The following SNX32 variants were observed in gnomAD, a reference collection of about 807,000 sequenced individuals.
The protein encoded by SNX32 is sorting nexin-32.
A neutral mutation model predicts 57.0 loss-of-function variants in SNX32; 58 were observed. That is an observed-to-expected ratio of 1.02 (90% CI 0.82 to 1.27). The LOEUF (loss-of-function observed/expected upper bound fraction) is 1.27. Among genes scored for constraint, SNX32 ranks in the 50% most tolerant of loss-of-function variants. The pLI is 0.00. For missense variants in SNX32, 589 were observed against 541.2 expected, an observed-to-expected ratio of 1.09 and a Z score of -0.88; for synonymous variants, 262 against 220.4, an observed-to-expected ratio of 1.19 and a Z score of -1.67.
chr11:65,845,116 C>T (rs1367965053), intron 1 of SNX32, among the ~76,000 whole-genome samples: 3 of 130,722 alleles, frequency 2.3e-5, no homozygotes, highest in African/African-American at 6.0e-5. Flanking sequence ...GGCAGCATAG[C>T]GAGAACACCC....
intron 1 of SNX32, among the ~76,000 whole-genome samples, chr11:65,841,090 G>A (rs1364343362): frequency 2.6e-5 from 4 of 151,710 alleles, no homozygotes; most frequent in Non-Finnish European, 5.9e-5. Flanking sequence ...GATTACAAGC[G>A]CCCCCCACCA....
intron 1 of SNX32, among the ~76,000 whole-genome samples, chr11:65,839,234 T>TTTTTTTTGTTTTTTTTTG (rs1555032663): frequency 4.7e-5 from 1 of 21,462 alleles, no homozygotes; most frequent in African/African-American, 1.1e-4. Context: ...TATTTTTTTT[T>TTTTTTTTGTTTTTTTTTG]TTTTTTTTTT....
intron 1 of SNX32, among the ~76,000 whole-genome samples, chr11:65,839,215 ATTTTTTTGTATTTT>A (rs1378566222): frequency 3.1e-4 from 6 of 19,514 alleles, no homozygotes; most frequent in Non-Finnish European, 4.8e-4. Context: ...CGCCCAGCTA[ATTTTTTTGTATTTT>A]TTTTTTTTTT....
intron 1 of SNX32, among the ~76,000 whole-genome samples, chr11:65,835,968 A>G (rs2134686574): frequency 6.6e-6 from 1 of 152,342 alleles, no homozygotes; most frequent in South Asian, 2.1e-4. Flanking sequence ...CATATACATG[A>G]AATGGTTAGA....
At chr11:65,845,154 AAAAGG>A (rs1858955649) in intron 1 of SNX32, among the ~76,000 whole-genome samples, 1 of 150,380 alleles carries the variant, frequency 6.6e-6, no homozygotes, top group Admixed American at 6.6e-5. Flanking sequence ...AAAAAAAAAA[AAAAGG>A]CTGGGTGTGG....
chr11:65,845,230 G>C (rs1178558311), intron 1 of SNX32, among the ~76,000 whole-genome samples: 1 of 151,480 alleles, frequency 6.6e-6, no homozygotes, highest in Non-Finnish European at 1.5e-5. Flanking sequence ...ATGAGGTCTG[G>C]AGATCGAGAC....
chr11:65,846,586 AC>A (rs1401616442), intron 1 of SNX32, among the ~76,000 whole-genome samples: 2 of 150,270 alleles, frequency 1.3e-5, no homozygotes, highest in African/African-American at 2.5e-5. Context: ...AAAAAAGAAT[AC>A]GCCAGAATAA....
chr11:65,847,268 C>T (rs2134696173), intron 1 of SNX32, among the ~76,000 whole-genome samples: 1 of 152,136 alleles, frequency 6.6e-6, no homozygotes, highest in Non-Finnish European at 1.5e-5. Flanking sequence ...ATTCTCCTGC[C>T]TCAGCCTCTC....
At position 65,836,182 on chromosome 11, in the gene SNX32, T is replaced by C. The variant is rs145060534; in HGVS notation, c.36+2081T>C. On this transcript the variant is annotated intron_variant, in intron 1 of 12. Transcript: ENST00000308342. ...GTTAGGTGTTGCCTTCTCTAAGATC[T>C]TCCTTTAAATATAGAGACATTAAAA... Among the ~76,000 whole-genome samples the C allele has an allele frequency of 8.7e-4, 133 of 152,254 alleles. 1 individual carries two copies. In the East Asian group the frequency reaches 0.022, roughly 25 times the overall value.
intron 1 of SNX32, among the ~76,000 whole-genome samples, chr11:65,843,220 C>CAAAAA (rs11307931): frequency 9.2e-6 from 1 of 108,936 alleles, no homozygotes; most frequent in Non-Finnish European, 1.8e-5. Context: ...GACTCCGTCT[C>CAAAAA]AAAAAAAAAA....
Position 65,853,659 on chromosome 11 carries a change from G to A in SNX32, c.*324G>A, listed in dbSNP as rs554637727. 15 of 406,282 alleles carry A rather than the reference G, an allele frequency of 3.7e-5. No individual in the cohort carries two copies. The highest frequency in any genetic ancestry group is 1.8e-4 in the East Asian group (4 of 22,586). 25.2% of individuals were successfully genotyped at this position (406,282 alleles called of 1,614,324 possible). A position where few individuals can be genotyped will look rare whatever the true frequency, so the allele number is the denominator to read the frequency against. On this transcript the variant is annotated 3_prime_UTR_variant, in exon 13 of 13. Transcript: ENST00000308342. ...AAGGAATCATAGCTCACTTGATCCC[G>A]GCCTGTTCTCCTTCGCAAATAAAAA...
At position 65,851,341 on chromosome 11, in the gene SNX32, T is replaced by C. The variant is rs142127230; in HGVS notation, c.723T>C (p.Asp241=). 3.1e-6 allele frequency: 5 copies of C among 1,614,064 alleles called. No homozygotes were observed. The African/African-American group carries it at 4.0e-5, about 13-fold the overall frequency. Residue 241 remains aspartate (D), a synonymous_variant, in exon 8 of 13, where the codon GAT becomes GAC. Coordinates refer to ENST00000308342, the MANE Select transcript of SNX32 (RefSeq NM_152760.3). ...VMRAHKCLAD[D]YIPISAALSS... is the part of the protein sequence containing the mutation. The stretch of plus-strand genomic sequence containing the variant: ...GTTCCCCAACAGGCCTGGCAGACGA[T>C]TATATCCCTATCTCAGCTGCGCTGA...
In SNX32 at chr11:65,850,421, A is replaced by G; in HGVS notation, c.375-10A>G. On this transcript the variant is annotated splice_polypyrimidine_tract_variant and intron_variant, in intron 4 of 12. Coordinates refer to ENST00000308342, the MANE Select transcript of SNX32 (RefSeq NM_152760.3). Reference sequence around the variant, plus strand: ...TGAGGAGGGCCGGTGAGCTGCTGCCACTCTCGCAGGGAGTACCTGGCCATC... The same window carrying G: ...TGAGGAGGGCCGGTGAGCTGCTGCCGCTCTCGCAGGGAGTACCTGGCCATC... 6.2e-7 allele frequency: 1 copy of G among 1,613,700 alleles called. No individual in the cohort carries two copies. The highest frequency in any genetic ancestry group is 8.5e-7 in the Non-Finnish European group (1 of 1,179,746).
Position 65,852,762 on chromosome 11 carries a change from G to C in SNX32, c.1045G>C (p.Glu349Gln), listed in dbSNP as rs781557193. Residue 349 changes from glutamate to glutamine, a missense_variant, in exon 11 of 13, where the codon GAG (glutamate) becomes CAG (glutamine). Glu to Gln is a conservative substitution (Grantham distance 29). Transcript: ENST00000308342. ...CCAGCAGCTGTGCTGCCAACGCTTCGAGCGCCTCTCCGACTCCGCCAAGCA... is the reference window on the plus strand; with the variant it reads ...CCAGCAGCTGTGCTGCCAACGCTTCCAGCGCCTCTCCGACTCCGCCAAGCA... Reference protein sequence around the residue: ...SHQQLCCQRFERLSDSAKQEL... With the variant: ...SHQQLCCQRFQRLSDSAKQEL... 1.2e-6 allele frequency: 2 copies of C among 1,609,000 alleles called. No individual in the cohort carries two copies. The highest frequency in any genetic ancestry group is 1.7e-6 in the Non-Finnish European group (2 of 1,178,598).
intron 1 of SNX32, among the ~76,000 whole-genome samples, chr11:65,834,982 G>A (rs1010225690): frequency 1.4e-5 from 2 of 145,440 alleles, no homozygotes; most frequent in Non-Finnish European, 3.0e-5. Context: ...TGTGTATGTC[G>A]TTGTGTGTGT....
intron 1 of SNX32, among the ~76,000 whole-genome samples, chr11:65,839,853 T>A (rs1591026040): frequency 6.6e-6 from 1 of 151,908 alleles, no homozygotes; most frequent in Non-Finnish European, 1.5e-5. Context: ...ATCAATGAAA[T>A]TCAGCATATA....
At chr11:65,839,215 A>ATTTTTT (rs1555032605) in intron 1 of SNX32, among the ~76,000 whole-genome samples, 80 of 19,520 alleles carry the variant, frequency 4.1e-3, no homozygotes, top group Non-Finnish European at 7.5e-3. Context: ...CGCCCAGCTA[A>ATTTTTT]TTTTTTTGTA....
rs753105465 is a variant in SNX32, at chr11:65,850,502, C to A, written c.446C>A (p.Pro149His). The A allele has an allele frequency of 5.6e-6, 9 of 1,613,890 alleles. No homozygotes were observed. Among genetic ancestry groups the A allele is most frequent in the African/African-American group, 1.3e-5 (1 of 74,928 alleles). ...EVFLQRLAAHPTLRRDHNFFV... is the reference protein window; with the variant it reads ...EVFLQRLAAHHTLRRDHNFFV... The stretch of plus-strand genomic sequence containing the variant: ...TTTCTGCAGCGCCTGGCGGCCCACC[C>A]CACCCTGCGTCGAGACCACAACTTC... The change falls in exon 5 of 13, where the codon CCC (proline) becomes CAC (histidine). Residue 149 changes from proline to histidine, a missense_variant. Physicochemically the swap from Pro to His is moderately conservative, Grantham distance 77. Transcript: ENST00000308342.
rs1213875091 is a variant in SNX32 at position 65,850,280 on chromosome 11, C to T, written c.374+9C>T. The T allele has an allele frequency of 6.2e-7, 1 of 1,614,144 alleles. No homozygotes were observed. The highest frequency in any genetic ancestry group is 8.5e-7 in the Non-Finnish European group (1 of 1,180,042). ...AAGCAGGAGCTGGAAGCGTGAGTGC[C>T]CCCTCCTTTCCCTGCCATCCCCAGA... On this transcript the variant is annotated intron_variant, in intron 4 of 12. Transcript: ENST00000308342.
Sources: gnomAD v4.1 joint callset for allele counts (sites outside exome capture counted in the v4.1 genomes callset) on GRCh38, gnomAD v4.1.1 for gene constraint, MANE v1.5 for transcripts, NCBI Gene and HGNC (gene_info 2026-07-23, HGNC 2026-07-21) for gene names.